ATP13A4: variants seen among roughly 807,000 people sequenced by gnomAD.
ATP13A4 encodes the protein probable cation-transporting ATPase 13A4.
A neutral mutation model predicts 142.5 loss-of-function variants in ATP13A4; 114 were observed. The observed-to-expected ratio is 0.80, with a 90% CI of 0.69 to 0.93. ATP13A4 has a LOEUF of 0.93. Ranked by LOEUF, ATP13A4 falls within the 40% of genes least tolerant of loss-of-function variation. The pLI, the probability that ATP13A4 is intolerant of heterozygous loss-of-function variation, is 0.00. For missense variants in ATP13A4, 1,392 were observed against 1,454.0 expected (o/e 0.96, Z 0.69); for synonymous variants, 488 against 514.8 (o/e 0.95, Z 0.70).
rs957916006 is a variant in ATP13A4 at position 193,489,960 on chromosome 3, A to G, written c.604-96T>C. 3 of 1,299,032 alleles carry G rather than the reference A, an allele frequency of 2.3e-6. No homozygotes were observed. In the African/African-American group the frequency reaches 4.4e-5, roughly 19 times the overall value. The allele number at this position is 1,299,032 out of a possible 1,614,324, so 80.5% of individuals were successfully genotyped here. Reference sequence around the variant, plus strand: ...TTTCATAATCATCTTCATGACATACATCATCCCACACAATATTCTTATTAT... The same window carrying G: ...TTTCATAATCATCTTCATGACATACGTCATCCCACACAATATTCTTATTAT... On this transcript the variant is annotated intron_variant, in intron 6 of 29. Transcript: ENST00000342695.
At chr3:193,546,113 A>G (rs1723210603) in intron 1 of ATP13A4, among the ~76,000 whole-genome samples, 1 of 152,032 alleles carries the variant, frequency 6.6e-6, no homozygotes, top group African/African-American at 2.4e-5. Context: ...ATTGTCTCAT[A>G]GAAGTGATCT....
chr3:193,554,610 C>A, intron 1 of ATP13A4, 130 bp downstream of exon 1: 2 of 1,199,862 alleles, frequency 1.7e-6, no homozygotes, highest in South Asian at 1.2e-5. Context: ...TCGTGTAATA[C>A]CAGAGTGAAA....
intron 16 of ATP13A4, among the ~76,000 whole-genome samples, chr3:193,454,716 CTT>C (rs1328548232): frequency 2.6e-5 from 4 of 152,156 alleles, no homozygotes; most frequent in African/African-American, 4.8e-5. Context: ...CAAAAACTAA[CTT>C]AACATGGATT....
intron 1 of ATP13A4, among the ~76,000 whole-genome samples, chr3:193,522,661 C>T (rs1401834357): frequency 6.6e-6 from 1 of 152,184 alleles, no homozygotes; most frequent in Non-Finnish European, 1.5e-5. Flanking sequence ...TGTTGATTGT[C>T]CAGATTTGAG....
rs919200103 is a variant in ATP13A4, at chr3:193,399,432, C to A, written c.*3220G>T. Among the ~76,000 whole-genome samples the A allele has an allele frequency of 2.0e-5, 3 of 152,178 alleles. No homozygotes were observed. In the South Asian group the frequency reaches 6.2e-4, roughly 32 times the overall value. ...CTAGGATCTTATCTCCATTAGGGGT[C>A]CCCTTTCAAGGTACAGGGCAATTGA... is the stretch of plus-strand genomic sequence containing the variant. On this transcript the variant is annotated 3_prime_UTR_variant, in exon 30 of 30. Transcript: ENST00000342695.
Position 193,412,188 on chromosome 3 carries a change from A to C in ATP13A4, c.3198T>G (p.Thr1066=). 6.2e-7 allele frequency: 1 copy of C among 1,604,716 alleles called. No homozygotes were observed. Among genetic ancestry groups the C allele is most frequent in the South Asian group, 1.1e-5 (1 of 90,874 alleles). ...TACAGTTCTACTCACAGTTTGTATAAGTTGGCTGTCTAAATGGTTTTCCTT... is the reference window on the plus strand; with the variant it reads ...TACAGTTCTACTCACAGTTTGTATACGTTGGCTGTCTAAATGGTTTTCCTT... ...FSKGKPFRQP[T]YTNYIFVLVL... The change falls in exon 27 of 30, where the codon ACT becomes ACG. Residue 1066 remains threonine, a synonymous_variant. Coordinates refer to ENST00000342695, the MANE Select transcript of ATP13A4 (RefSeq NM_032279.4).
chr3:193,499,994 T>G (rs565736979), intron 3 of ATP13A4, among the ~76,000 whole-genome samples: 23 of 152,300 alleles, frequency 1.5e-4, no homozygotes, highest in Admixed American at 1.4e-3. Context: ...GGCTCCATCC[T>G]AGACCTTTTG....
chr3:193,458,796 A>T, intron 14 of ATP13A4: 1 of 598,582 alleles, frequency 1.7e-6, no homozygotes, highest in East Asian at 2.8e-5. Context: ...CATAATAAGT[A>T]CAATTATATT....
At chr3:193,428,630 C>T (rs1267333090) in intron 25 of ATP13A4, among the ~76,000 whole-genome samples, 2 of 151,818 alleles carry the variant, frequency 1.3e-5, no homozygotes, top group Non-Finnish European at 2.9e-5. Context: ...GATGAGTTCA[C>T]GTCCTTTGTA....
At chr3:193,538,509 A>C (rs1175351298) in intron 1 of ATP13A4, among the ~76,000 whole-genome samples, 11 of 143,602 alleles carry the variant, frequency 7.7e-5, no homozygotes, top group Admixed American at 5.4e-4. Flanking sequence ...AAAAAAAAAA[A>C]AAAAACCCTA....
intron 2 of ATP13A4, among the ~76,000 whole-genome samples, chr3:193,562,894 A>G (rs1724049284): frequency 6.6e-6 from 1 of 152,100 alleles, no homozygotes; most frequent in Non-Finnish European, 1.5e-5. Context: ...ATAAAAATTA[A>G]AAAATCATAG....
At chr3:193,530,459 T>A (rs1035041560) in intron 1 of ATP13A4, among the ~76,000 whole-genome samples, 1 of 152,194 alleles carries the variant, frequency 6.6e-6, no homozygotes, top group African/African-American at 2.4e-5. Context: ...AATCTAGACA[T>A]TCCCTTTAAT....
At chr3:193,524,757 A>G (rs1206675597) in intron 1 of ATP13A4, among the ~76,000 whole-genome samples, 1 of 152,252 alleles carries the variant, frequency 6.6e-6, no homozygotes, top group Non-Finnish European at 1.5e-5. Flanking sequence ...ATGAAATGGG[A>G]TAATAGTTGT....
rs369680272 is a variant in ATP13A4 at position 193,498,619 on chromosome 3, G to T, written c.381+3874C>A. 7.9e-5 allele frequency among the ~76,000 whole-genome samples: 12 copies of T among 152,282 alleles called. No homozygotes were observed. The East Asian group carries it at 1.4e-3, about 17-fold the overall frequency. On this transcript the variant is annotated intron_variant, in intron 3 of 29. Coordinates refer to ENST00000342695, the MANE Select transcript of ATP13A4 (RefSeq NM_032279.4). ...GTCTGGCCCCACCCTTAAGGATTCT[G>T]ATTTAATTTGTCTGCAGTGCATTCT...
intron 20 of ATP13A4, 116 bp from the exon 21 acceptor site, chr3:193,440,753 A>T: frequency 1.8e-6 from 2 of 1,113,920 alleles, no homozygotes; most frequent in Non-Finnish European, 1.3e-6. Context: ...GAAAAAAAAA[A>T]GTTTCCAATG....
At chr3:193,445,121 C>G (rs953724087) in intron 18 of ATP13A4, among the ~76,000 whole-genome samples, 4 of 152,158 alleles carry the variant, frequency 2.6e-5, no homozygotes. Context: ...CTGCCGGAGA[C>G]AGATGAAACC....
chr3:193,466,307 T>C (rs1718283591), intron 10 of ATP13A4, 125 bp from the exon 11 acceptor site: 1 of 1,195,494 alleles, frequency 8.4e-7, no homozygotes, highest in Non-Finnish European at 1.2e-6. Context: ...TCAAAGGCAA[T>C]TGAAAGATAA....
At chr3:193,474,911 T>C (rs1431645677) in intron 8 of ATP13A4, among the ~76,000 whole-genome samples, 2 of 152,052 alleles carry the variant, frequency 1.3e-5, no homozygotes, top group Non-Finnish European at 2.9e-5. Flanking sequence ...AAGTTTTAAA[T>C]TACTTTCTAA....
chr3:193,489,613 G>T (rs1719829540), intron 7 of ATP13A4, 117 bp downstream of exon 7: 4 of 1,085,890 alleles, frequency 3.7e-6, no homozygotes, highest in South Asian at 1.4e-5. Context: ...TTACAAACTT[G>T]CTCTCATTTA....
Sources: gnomAD v4.1 joint callset for allele counts (sites outside exome capture counted in the v4.1 genomes callset) on GRCh38, gnomAD v4.1.1 for gene constraint, MANE v1.5 for transcripts, NCBI Gene and HGNC (gene_info 2026-07-23, HGNC 2026-07-21) for gene names.